Variants in APBB2 observed in about 807,000 individuals in gnomAD.
APBB2 encodes Fe65-like 1.
A neutral mutation model predicts 82.5 loss-of-function variants in APBB2; 38 were observed. The ratio of observed to expected loss-of-function variants is 0.46; its 90% CI spans 0.36 to 0.60. APBB2 has a LOEUF of 0.60. Ranked by LOEUF, APBB2 falls within the 20% of genes least tolerant of loss-of-function variation. The pLI is 0.00. For synonymous variants in APBB2, 341 were observed against 368.2 expected (o/e 0.93, Z 0.85); for missense variants, 772 against 972.3 (o/e 0.79, Z 2.74).
chr4:41,045,286 AT>A (rs869178265), intron 4 of APBB2, among the ~76,000 whole-genome samples: 1 of 148,668 alleles, frequency 6.7e-6, no homozygotes, highest in Non-Finnish European at 1.5e-5. Flanking sequence ...GATTTTAATC[AT>A]TTTTTTGTTT....
Position 40,944,945 on chromosome 4 carries a change from C to A in APBB2, c.964G>T (p.Val322Phe), listed in dbSNP as rs573666516. ...PTGTTQWERP[V>F]SIPADLQGSR... ...CCCTGGAGATCTGCTGGGATGGAGA[C>A]GGGCCGTTCCCACTGAGTCGTTCCT... Residue 322 changes from valine (V) to phenylalanine (F), a missense_variant, in exon 7 of 18, where the codon GTC (valine) becomes TTC (phenylalanine). Physicochemically the swap from Val to Phe is conservative, Grantham distance 50. Coordinates refer to ENST00000508593, the MANE Select transcript of APBB2 (RefSeq NM_004307.2). 1.2e-6 allele frequency: 2 copies of A among 1,613,878 alleles called. No homozygotes were observed. Among genetic ancestry groups the A allele is most frequent in the Admixed American group, 1.7e-5 (1 of 60,018 alleles).
intron 12 of APBB2, among the ~76,000 whole-genome samples, chr4:40,853,156 C>T (rs1760025927): frequency 6.6e-6 from 1 of 152,182 alleles, no homozygotes; most frequent in Admixed American, 6.5e-5. Flanking sequence ...CCCCACCCAC[C>T]TGCTTCTCTT....
At chr4:40,822,261 A>C in intron 16 of APBB2, 1 of 572,474 alleles carries the variant, frequency 1.7e-6, no homozygotes, top group Non-Finnish European at 3.1e-6. Flanking sequence ...GCTCTGAACT[A>C]CACTGCTGTC....
chr4:41,089,994 T>C (rs528933122), intron 3 of APBB2, among the ~76,000 whole-genome samples: 1 of 152,326 alleles, frequency 6.6e-6, no homozygotes, highest in South Asian at 2.1e-4. Flanking sequence ...TCCATGTATA[T>C]GAACTATAAT....
chr4:41,150,771 C>T (rs889281036), intron 1 of APBB2, among the ~76,000 whole-genome samples: 5 of 152,180 alleles, frequency 3.3e-5, no homozygotes, highest in Non-Finnish European at 7.4e-5. Flanking sequence ...GACAGAGTCT[C>T]ATTCTGTTGT....
intron 10 of APBB2, among the ~76,000 whole-genome samples, chr4:40,902,493 G>C (rs1775591712): frequency 4.6e-5 from 7 of 152,164 alleles, no homozygotes; most frequent in Admixed American, 4.6e-4. Flanking sequence ...AGGACTGAAT[G>C]ACTTGTGAAA....
chr4:40,822,996 C>G (rs960772713), intron 16 of APBB2, among the ~76,000 whole-genome samples: 3 of 152,198 alleles, frequency 2.0e-5, no homozygotes, highest in Non-Finnish European at 4.4e-5. Context: ...CTGCTCCTCT[C>G]TCCAGGGTGA....
intron 2 of APBB2, among the ~76,000 whole-genome samples, chr4:41,140,809 C>T (rs1758909040): frequency 6.6e-6 from 1 of 152,192 alleles, no homozygotes; most frequent in Admixed American, 6.5e-5. Context: ...ATCTAGGTTG[C>T]ATGCTTCCTA....
chr4:40,828,467 C>A (rs1432554272), intron 13 of APBB2, among the ~76,000 whole-genome samples: 1 of 152,172 alleles, frequency 6.6e-6, no homozygotes, highest in Non-Finnish European at 1.5e-5. Context: ...CCCAGGGCAG[C>A]GAGCAAGAGG....
intron 6 of APBB2, among the ~76,000 whole-genome samples, chr4:40,953,555 G>C (rs1380008954): frequency 6.6e-6 from 1 of 152,056 alleles, no homozygotes; most frequent in Non-Finnish European, 1.5e-5. Context: ...TCCAACTCAG[G>C]CCTCTATCCA....
At chr4:40,901,617 C>T (rs1327521649) in intron 10 of APBB2, among the ~76,000 whole-genome samples, 1 of 152,232 alleles carries the variant, frequency 6.6e-6, no homozygotes, top group Non-Finnish European at 1.5e-5. Context: ...TCAAGCGATT[C>T]TTGTGCCTCA....
chr4:40,979,116 T>C (rs1345823635), intron 6 of APBB2, among the ~76,000 whole-genome samples: 1 of 152,188 alleles, frequency 6.6e-6, no homozygotes, highest in Non-Finnish European at 1.5e-5. Flanking sequence ...TCTAACACTC[T>C]CTAGTTTAAG....
chr4:40,993,361 CTTTT>C (rs34787320), intron 6 of APBB2, among the ~76,000 whole-genome samples: 7 of 114,616 alleles, frequency 6.1e-5, no homozygotes, highest in Middle Eastern at 4.9e-3. Context: ...ACTCTTCTCT[CTTTT>C]TTTTTTTTTT....
chr4:40,965,058 T>G (rs1220196225), intron 6 of APBB2, among the ~76,000 whole-genome samples: 2 of 151,608 alleles, frequency 1.3e-5, no homozygotes, highest in African/African-American at 2.4e-5. Context: ...AGGTGGAGGT[T>G]GCAGTGAGAT....
intron 6 of APBB2, among the ~76,000 whole-genome samples, chr4:41,011,128 T>G (rs1468095287): frequency 6.6e-6 from 1 of 151,524 alleles, no homozygotes; most frequent in Non-Finnish European, 1.5e-5. Flanking sequence ...TTTGGGTAAA[T>G]TTTAAAATTG....
chr4:41,067,587 TAGAC>T (rs1468854314), intron 3 of APBB2, among the ~76,000 whole-genome samples: 3 of 152,050 alleles, frequency 2.0e-5, no homozygotes, highest in South Asian at 2.1e-4. Context: ...TGCAGGAACA[TAGAC>T]AGAAGGAGAA....
chr4:41,000,584 G>C (rs546413011), intron 6 of APBB2, among the ~76,000 whole-genome samples: 2 of 152,170 alleles, frequency 1.3e-5, no homozygotes, highest in Admixed American at 6.5e-5. Flanking sequence ...GTTGAATCTT[G>C]AAGAAGGAAC....
chr4:41,079,030 G>A (rs1736617790), intron 3 of APBB2, among the ~76,000 whole-genome samples: 1 of 152,222 alleles, frequency 6.6e-6, no homozygotes, highest in Non-Finnish European at 1.5e-5. Context: ...ATTACCATGG[G>A]TGAGGGCAAT....
intron 2 of APBB2, among the ~76,000 whole-genome samples, chr4:41,133,220 T>C (rs560254387): frequency 2.9e-4 from 44 of 152,364 alleles, no homozygotes; most frequent in Non-Finnish European, 5.6e-4. Context: ...TTTACAAATA[T>C]GCTACAATAT....
Sources: gnomAD v4.1 joint callset for allele counts (sites outside exome capture counted in the v4.1 genomes callset) on GRCh38, gnomAD v4.1.1 for gene constraint, MANE v1.5 for transcripts, NCBI Gene and HGNC (gene_info 2026-07-23, HGNC 2026-07-21) for gene names.